Variants in WBP2 observed in about 807,000 individuals in gnomAD.
WBP2 encodes WW domain-binding protein 2.
A neutral mutation model predicts 33.0 loss-of-function variants in WBP2; 23 were observed. That is an observed-to-expected ratio of 0.70 (90% CI 0.50 to 0.99). The LOEUF is 0.99. Among genes scored for constraint, WBP2 ranks in the 50% least tolerant of loss-of-function variants. The pLI is 0.00. For missense variants in WBP2, 353 were observed against 358.0 expected (o/e 0.99, Z 0.11); for synonymous variants, 153 against 133.5 (o/e 1.15, Z -1.01).
upstream of WBP2, chr17:75,856,147 C>T (rs2065057568): frequency 6.6e-6 from 1 of 152,290 alleles, no homozygotes; most frequent in Non-Finnish European, 1.5e-5. Flanking sequence ...AACCGGCATC[C>T]TGATAACTAG....
At chr17:75,848,470 C>T in intron 4 of WBP2, 100 bp downstream of exon 4, 1 of 1,155,372 alleles carries the variant, frequency 8.7e-7, no homozygotes, top group Non-Finnish European at 1.3e-6. Context: ...ACACTTACCT[C>T]TTGAGTTCTT....
chr17:75,847,006 G>T (rs755523693), intron 6 of WBP2, 22 bp from the exon 7 acceptor site: 1 of 1,613,846 alleles, frequency 6.2e-7, no homozygotes, highest in South Asian at 1.1e-5. Context: ...AACACACCTG[G>T]TGTCGGTGAC....
chr17:75,847,735 T>TG (rs2065003180), intron 5 of WBP2, 61 bp downstream of exon 5: 2 of 1,529,138 alleles, frequency 1.3e-6, no homozygotes, highest in Non-Finnish European at 8.9e-7. Flanking sequence ...CTCCCTGGCC[T>TG]GGGGGGAGCC....
Position 75,851,616 on chromosome 17 carries a change from T to C in WBP2, c.120A>G (p.Glu40=), listed in dbSNP as rs2065027970. 4 of 1,613,866 alleles carry C rather than the reference T, an allele frequency of 2.5e-6. No individual in the cohort carries two copies. Among genetic ancestry groups the C allele is most frequent in the Non-Finnish European group, 3.4e-6 (4 of 1,179,802 alleles). ...TGCCTTTCTTGGTCCCTTTGAAGGC[T>C]TCTGGCACGTTCTTCATGTCATTGA... ...LTFNDMKNVP[E]AFKGTKKGTV... Residue 40 remains glutamate, a synonymous_variant, in exon 2 of 8, where the codon GAA becomes GAG. Transcript: ENST00000254806.
At chr17:75,855,159 T>TGCCCCCCCCCCC in intron 1 of WBP2, 80 bp downstream of exon 1, 1 of 964,064 alleles carries the variant, frequency 1.0e-6, no homozygotes, top group African/African-American at 2.0e-5. Context: ...AGGGGCTTAT[T>TGCCCCCCCCCCC]CCCCACCACC....
chr17:75,851,744 G>A, intron 1 of WBP2, 68 bp from the exon 2 acceptor site: 1 of 1,206,686 alleles, frequency 8.3e-7, no homozygotes, highest in Non-Finnish European at 1.2e-6. Flanking sequence ...CAGACACTGG[G>A]CCTTTCTCCC....
At position 75,846,599 on chromosome 17, in the gene WBP2, T is replaced by G; in HGVS notation, c.*135A>C. 1 of 1,148,004 alleles carries G rather than the reference T, an allele frequency of 8.7e-7. No homozygotes were observed. The highest frequency in any genetic ancestry group is 1.3e-6 in the Non-Finnish European group (1 of 785,898). 71.1% of individuals were successfully genotyped at this position (1,148,004 alleles called of 1,614,324 possible). ...CGGGGGCCCTAATGTCCCACAATGC[T>G]AGTTCCTGGTAATTGTTTATGATCA... On this transcript the variant is annotated 3_prime_UTR_variant, in exon 8 of 8. Transcript: ENST00000254806. The surrounding 1 kb of genome is among the most constrained non-coding windows in gnomAD (Gnocchi z 4.8).
In WBP2 at chr17:75,851,358, C is replaced by T. The variant is rs1340841622; in HGVS notation, c.168+210G>A. 3 of 471,086 alleles carry T rather than the reference C, an allele frequency of 6.4e-6. 1 individual carries two copies. The highest frequency in any genetic ancestry group is 1.2e-5 in the Non-Finnish European group (3 of 252,248). 29.2% of individuals were successfully genotyped at this position (471,086 alleles called of 1,614,324 possible). A position where few individuals can be genotyped will look rare whatever the true frequency, so the allele number is the denominator to read the frequency against. On this transcript the variant is annotated intron_variant, in intron 2 of 7. Transcript: ENST00000254806. The stretch of plus-strand genomic sequence containing the variant: ...CGGCTCTGGAATTGACATGGGTTCA[C>T]TGCCCAGTGGTCAGGTCAGTTACAC...
chr17:75,848,347 A>G (rs1407007591), intron 4 of WBP2: 1 of 599,586 alleles, frequency 1.7e-6, no homozygotes, highest in Non-Finnish European at 3.0e-6. Context: ...CTTTGTCAAA[A>G]CGTCATCCAC....
Position 75,846,412 on chromosome 17 carries a change from G to A in WBP2, c.*322C>T, listed in dbSNP as rs11645. The A allele has an allele frequency of 2.3e-6, 1 of 429,284 alleles. No homozygotes were observed. Among genetic ancestry groups the A allele is most frequent in the Non-Finnish European group, 4.3e-6 (1 of 232,882 alleles). The allele number at this position is 429,284 out of a possible 1,614,324, so 26.6% of individuals were successfully genotyped here. The stretch of plus-strand genomic sequence containing the variant: ...CTGAGGGAGCTGGACTGCGGTGGAG[G>A]AGGTGGCCAGAGAGTCCCTTCGAGG... On this transcript the variant is annotated 3_prime_UTR_variant, in exon 8 of 8. Transcript: ENST00000254806. This position sits in a 1 kb window ranked among gnomAD's most constrained non-coding sequence, Gnocchi z 4.8.
intron 1 of WBP2, among the ~76,000 whole-genome samples, chr17:75,854,077 G>GT (rs2065043548): frequency 6.9e-6 from 1 of 144,084 alleles, no homozygotes; most frequent in African/African-American, 2.6e-5. Flanking sequence ...AAAAAGAGAA[G>GT]AGAAGTACTG....
intron 1 of WBP2, chr17:75,852,190 G>A (rs377661870): frequency 3.2e-5 from 5 of 155,446 alleles, no homozygotes; most frequent in South Asian, 3.8e-4. Flanking sequence ...AGGCTGAGGC[G>A]GGTGAATCGC....
At chr17:75,855,081 A>AC in intron 1 of WBP2, 158 bp downstream of exon 1, 1 of 67,212 alleles carries the variant, frequency 1.5e-5, no homozygotes, top group South Asian at 1.7e-4. Flanking sequence ...CCCACGGCCC[A>AC]CCCACCTTCC....
chr17:75,855,623 C>A (rs975906309), upstream of WBP2: 18 of 353,900 alleles, frequency 5.1e-5, no homozygotes, highest in East Asian at 5.9e-4. Flanking sequence ...TTTTGCGTAA[C>A]CAATCGGCTT....
At chr17:75,853,409 C>T (rs1042125986) in intron 1 of WBP2, among the ~76,000 whole-genome samples, 1 of 152,180 alleles carries the variant, frequency 6.6e-6, no homozygotes, top group South Asian at 2.1e-4. Flanking sequence ...CTTTTTCAGA[C>T]AGCAGGCTGA....
rs375139108 is a variant in WBP2 at position 75,855,326 on chromosome 17, A to G, written c.-29T>C. 7.5e-6 allele frequency: 12 copies of G among 1,610,188 alleles called. No individual in the cohort carries two copies. In the African/African-American group the frequency reaches 1.6e-4, roughly 22 times the overall value. ...CTCTCCAACAGGGGTCCCGAGACTC[A>G]AAACGCAATGAGCTTGCGCCCCTCT... On this transcript the variant is annotated 5_prime_UTR_variant, in exon 1 of 8. Transcript: ENST00000254806.
At chr17:75,847,064 G>T in intron 6 of WBP2, 80 bp from the exon 7 acceptor site, 1 of 1,511,174 alleles carries the variant, frequency 6.6e-7, no homozygotes, top group Non-Finnish European at 9.1e-7. Context: ...GGCCCCCATG[G>T]CTCGGGGCAG....
upstream of WBP2, among the ~76,000 whole-genome samples, chr17:75,855,766 G>C (rs1004732609): frequency 6.6e-6 from 1 of 152,270 alleles, no homozygotes; most frequent in Non-Finnish European, 1.5e-5. Context: ...GACATGGCGT[G>C]GGAGCGCCGA....
At chr17:75,851,473 C>G in intron 2 of WBP2, 95 bp downstream of exon 2, 1 of 913,740 alleles carries the variant, frequency 1.1e-6, no homozygotes, top group South Asian at 1.3e-5. Context: ...CAGAGGCCAC[C>G]TGACTCATGA....
Sources: gnomAD v4.1 joint callset for allele counts (sites outside exome capture counted in the v4.1 genomes callset) on GRCh38, gnomAD v4.1.1 for gene constraint, Gnocchi (gnomAD v3.1) non-coding constraint, MANE v1.5 for transcripts, NCBI Gene and HGNC (gene_info 2026-07-23, HGNC 2026-07-21) for gene names.